The following HLCS variants were observed in gnomAD, a reference collection of about 807,000 sequenced individuals.
The protein encoded by HLCS is holocarboxylase synthetase.
A neutral mutation model predicts 75.0 loss-of-function variants in HLCS; 53 were observed. The observed-to-expected ratio is 0.71, with a 90% CI of 0.57 to 0.89. The LOEUF (loss-of-function observed/expected upper bound fraction) is 0.89, where lower values mean the gene tolerates loss of function less well. HLCS is among the 40% of genes least tolerant of loss of function. The pLI, the probability that HLCS is intolerant of heterozygous loss-of-function variation, is 0.00. For synonymous variants in HLCS, 431 were observed against 428.6 expected (o/e 1.01, Z -0.07); for missense variants, 966 against 1,074.0 (o/e 0.90, Z 1.41).
intron 4 of HLCS, among the ~76,000 whole-genome samples, chr21:36,933,425 C>T (rs897386480): frequency 2.6e-5 from 4 of 151,868 alleles, no homozygotes; most frequent in African/African-American, 9.7e-5. Context: ...ATAGCGCATG[C>T]TTGTAATCCC....
In HLCS at chr21:36,759,568, G is replaced by A. The variant is rs2073419; in HGVS notation, c.2236+159C>T. Among the ~76,000 whole-genome samples, 66,012 of 151,952 alleles carry A rather than the reference G, an allele frequency of 0.43. 15,316 individuals carry two copies. The highest frequency in any genetic ancestry group is 0.65 in the East Asian group (3,326 of 5,156). ...ATGCTAAACCCTGTGAAGTGCTTTC[G>A]ACCAATCTCTCTGCATCTATACCCT... On this transcript the variant is annotated intron_variant, in intron 9 of 10. Coordinates refer to ENST00000674895, the MANE Select transcript of HLCS (RefSeq NM_001352514.2).
intron 5 of HLCS, among the ~76,000 whole-genome samples, chr21:36,924,084 T>G (rs2066294611): frequency 6.6e-6 from 1 of 152,156 alleles, no homozygotes; most frequent in African/African-American, 2.4e-5. Flanking sequence ...CTAATTTGGA[T>G]CTCTAAAAAT....
At chr21:36,766,273 T>C (rs975787082) in intron 7 of HLCS, among the ~76,000 whole-genome samples, 3 of 152,144 alleles carry the variant, frequency 2.0e-5, no homozygotes, top group Non-Finnish European at 4.4e-5. Flanking sequence ...ATCTTCTGCC[T>C]TGGCCTCTCA....
At chr21:36,796,590 A>G (rs1350732780) in intron 6 of HLCS, among the ~76,000 whole-genome samples, 1 of 152,224 alleles carries the variant, frequency 6.6e-6, no homozygotes, top group Non-Finnish European at 1.5e-5. Flanking sequence ...AGACTTCCCC[A>G]AACCAGGAAA....
In HLCS at chr21:36,754,329, C is replaced by G; in HGVS notation, c.2539G>C (p.Glu847Gln). Residue 847 changes from glutamate to glutamine, a missense_variant, in exon 11 of 11, where the codon GAG becomes CAG. Glu to Gln is a conservative substitution (Grantham distance 29, BLOSUM62 2). Transcript: ENST00000674895. ...TGCACAGTCACAACCTCGCCGCCCT[C>G]CTGGTGAACCTGGAGGAAGCCAGAA... ...DDSGFLQVHQ[E>Q]GGEVVTVHPD... The G allele has an allele frequency of 6.2e-7, 1 of 1,614,040 alleles. No homozygotes were observed. Among genetic ancestry groups the G allele is most frequent in the Non-Finnish European group, 8.5e-7 (1 of 1,179,972 alleles).
At chr21:36,983,528 C>T (rs544441118) in intron 1 of HLCS, among the ~76,000 whole-genome samples, 15 of 151,822 alleles carry the variant, frequency 9.9e-5, no homozygotes, top group Non-Finnish European at 2.1e-4. Context: ...GCTTTAATAG[C>T]AACAATCCTT....
intron 5 of HLCS, among the ~76,000 whole-genome samples, chr21:36,918,531 G>C (rs2066027685): frequency 6.6e-6 from 1 of 152,200 alleles, no homozygotes; most frequent in African/African-American, 2.4e-5. Context: ...TTGTAAGAAA[G>C]TGGCTGGGTC....
chr21:36,863,035 A>C (rs2063436011), intron 6 of HLCS, among the ~76,000 whole-genome samples: 1 of 150,460 alleles, frequency 6.6e-6, no homozygotes, highest in Non-Finnish European at 1.5e-5. Flanking sequence ...AATAGCTGGG[A>C]CTACATCGCG....
At chr21:36,859,648 C>A (rs1006877821) in intron 6 of HLCS, among the ~76,000 whole-genome samples, 1 of 152,252 alleles carries the variant, frequency 6.6e-6, no homozygotes, top group Admixed American at 6.5e-5. Context: ...CTGCACAGAG[C>A]AGTGACTTTC....
At chr21:36,869,031 G>A (rs994744638) in intron 6 of HLCS, among the ~76,000 whole-genome samples, 1 of 134,314 alleles carries the variant, frequency 7.4e-6, no homozygotes, top group African/African-American at 3.3e-5. Flanking sequence ...CAGCTGGAAG[G>A]CCCTAAGGAA....
intron 6 of HLCS, among the ~76,000 whole-genome samples, chr21:36,775,214 C>T (rs746691263): frequency 9.2e-5 from 14 of 152,350 alleles, no homozygotes; most frequent in Admixed American, 2.6e-4. Flanking sequence ...ATCTTCCCCA[C>T]GTCCAGCATA....
intron 6 of HLCS, among the ~76,000 whole-genome samples, chr21:36,879,457 C>T (rs868381852): frequency 1.6e-4 from 25 of 152,292 alleles, no homozygotes; most frequent in South Asian, 1.2e-3. Flanking sequence ...AGAAGATTAA[C>T]ATGATTCATA....
chr21:36,761,519 C>T (rs1601123716), intron 8 of HLCS, among the ~76,000 whole-genome samples: 1 of 151,964 alleles, frequency 6.6e-6, no homozygotes, highest in Non-Finnish European at 1.5e-5. Context: ...CTCTCTAGAA[C>T]GGGGGTTCTC....
At chr21:36,904,888 A>G (rs1387472270) in intron 5 of HLCS, among the ~76,000 whole-genome samples, 3 of 152,208 alleles carry the variant, frequency 2.0e-5, no homozygotes, top group African/African-American at 4.8e-5. Flanking sequence ...GTTACTGAAG[A>G]AAAAAGGTTT....
chr21:36,846,516 T>G (rs2062805607), intron 6 of HLCS, among the ~76,000 whole-genome samples: 1 of 152,286 alleles, frequency 6.6e-6, no homozygotes. Context: ...TTTGTGCTGT[T>G]GTTGATATTG....
At chr21:36,897,844 G>A (rs532601174) in intron 5 of HLCS, among the ~76,000 whole-genome samples, 193 of 152,228 alleles carry the variant, frequency 1.3e-3, no homozygotes, top group Non-Finnish European at 2.2e-3. Context: ...GTTCCCCCAC[G>A]CCAGACCTTA....
chr21:36,837,462 C>T (rs1296433740), intron 6 of HLCS, among the ~76,000 whole-genome samples: 1 of 152,018 alleles, frequency 6.6e-6, no homozygotes, highest in Admixed American at 6.6e-5. Flanking sequence ...GCCATGTCCA[C>T]GTCAAGTAGG....
chr21:36,861,560 G>A (rs1252236905), intron 6 of HLCS, among the ~76,000 whole-genome samples: 1 of 152,044 alleles, frequency 6.6e-6, no homozygotes, highest in Non-Finnish European at 1.5e-5. Context: ...CTACCCTCCA[G>A]TAGGCCACAG....
chr21:36,755,397 A>G (rs183715037), intron 10 of HLCS, among the ~76,000 whole-genome samples: 1 of 131,306 alleles, frequency 7.6e-6, no homozygotes, highest in Non-Finnish European at 1.5e-5. Context: ...GACCCTCTCT[A>G]AAAAAAAAAA....
Sources: gnomAD v4.1 joint callset for allele counts (sites outside exome capture counted in the v4.1 genomes callset) on GRCh38, gnomAD v4.1.1 for gene constraint, MANE v1.5 for transcripts, NCBI Gene and HGNC (gene_info 2026-07-23, HGNC 2026-07-21) for gene names.